CYP2J2: variants seen among roughly 807,000 people sequenced by gnomAD.
The protein encoded by CYP2J2 is cytochrome P450 family 2 subfamily J member 2, also known as cytochrome P450 2J2.
Under a neutral mutation model 48.8 loss-of-function variants are expected in CYP2J2, and 41 were observed. That is an observed-to-expected ratio of 0.84 (90% confidence interval 0.66 to 1.09). The LOEUF is 1.09. CYP2J2 is among the 50% of genes least tolerant of loss of function. The probability of loss-of-function intolerance (pLI) is 0.00; values close to 1 mark genes in which losing one functional copy is unlikely to be tolerated. For missense variants in CYP2J2, 644 were observed against 617.3 expected (o/e 1.04, Z -0.46); for synonymous variants, 221 against 227.1 (o/e 0.97, Z 0.24).
At chr1:59,948,245 C>A in the CYP2J2 span, among the ~76,000 whole-genome samples, 1 of 152,176 alleles carries the variant, frequency 6.6e-6, no homozygotes, top group Admixed American at 6.5e-5. Flanking sequence ...TGCATCCATT[C>A]TTTTCTCCCT....
chr1:59,915,818 G>T, intron 2 of CYP2J2, 120 bp downstream of exon 2: 1 of 899,750 alleles, frequency 1.1e-6, no homozygotes, highest in Non-Finnish European at 1.7e-6. Flanking sequence ...TTAGTGGCAG[G>T]AAGTTTATTA....
chr1:59,948,103 G>T, the CYP2J2 span, among the ~76,000 whole-genome samples: 2 of 151,936 alleles, frequency 1.3e-5, no homozygotes, highest in African/African-American at 2.4e-5. Flanking sequence ...GAAAGTTGGT[G>T]CCCACTAGAA....
In CYP2J2 at chr1:59,907,899, T is replaced by A. The variant is rs754057670; in HGVS notation, c.890A>T (p.His297Leu). 1.2e-6 allele frequency: 2 copies of A among 1,614,082 alleles called. No individual in the cohort carries two copies. The highest frequency in any genetic ancestry group is 2.7e-5 in the African/African-American group (2 of 75,028). ...GGTGCTGCAGATGAGGTTTTCTTCATGGAAACTTGAAGTAGGATTGCCTGT... is the reference window on the plus strand; with the variant it reads ...GGTGCTGCAGATGAGGTTTTCTTCAAGGAAACTTGAAGTAGGATTGCCTGT... ...KHTGNPTSSF[H>L]EENLICSTLD... The change falls in exon 6 of 9, where the codon CAT (histidine) becomes CTT (leucine). Residue 297 changes from histidine (H) to leucine (L), a missense_variant. His to Leu is a moderately conservative substitution (Grantham distance 99). Transcript: ENST00000371204.
upstream of CYP2J2, among the ~76,000 whole-genome samples, chr1:59,929,604 G>A (rs1036257788): frequency 2.0e-5 from 3 of 152,128 alleles, no homozygotes; most frequent in Non-Finnish European, 4.4e-5. Context: ...ATTTTGAATT[G>A]AAAATTGCAA....
At chr1:59,954,412 T>C in the CYP2J2 span, among the ~76,000 whole-genome samples, 4 of 152,080 alleles carry the variant, frequency 2.6e-5, no homozygotes, top group East Asian at 3.9e-4. Flanking sequence ...AGATATAACA[T>C]TGAACATGAG....
At chr1:59,917,238 G>A (rs948441160) in intron 1 of CYP2J2, among the ~76,000 whole-genome samples, 3 of 152,116 alleles carry the variant, frequency 2.0e-5, no homozygotes, top group Admixed American at 6.5e-5. Context: ...GCCACCCAGC[G>A]AGTCTCCGAG....
the CYP2J2 span, among the ~76,000 whole-genome samples, chr1:59,957,435 G>T: frequency 0.024 from 3,715 of 152,194 alleles, 54 homozygotes; most frequent in Non-Finnish European, 0.033. Flanking sequence ...TTCCAGCAAA[G>T]AATAGGACAT....
intron 2 of CYP2J2, 67 bp from the exon 3 acceptor site, chr1:59,912,378 G>A (rs1438754106): frequency 1.3e-6 from 2 of 1,504,886 alleles, no homozygotes; most frequent in Non-Finnish European, 1.8e-6. Flanking sequence ...CAAATGATAT[G>A]GGAATGTGTA....
At chr1:59,943,953 G>C in the CYP2J2 span, among the ~76,000 whole-genome samples, 35 of 152,118 alleles carry the variant, frequency 2.3e-4, no homozygotes, top group Non-Finnish European at 7.3e-5. Flanking sequence ...AGCAACTAAA[G>C]GTAATTCCTT....
At chr1:59,912,912 G>T (rs1644430420) in intron 2 of CYP2J2, 1 of 152,190 alleles carries the variant, frequency 6.6e-6, no homozygotes, top group African/African-American at 2.4e-5. Context: ...GTTCCATACA[G>T]AAAGAAGAGT....
the CYP2J2 span, among the ~76,000 whole-genome samples, chr1:59,952,634 G>C: frequency 6.6e-6 from 1 of 152,142 alleles, no homozygotes; most frequent in East Asian, 1.9e-4. Context: ...CCAGAATAAA[G>C]ACTAGTTATT....
chr1:59,944,864 T>A, the CYP2J2 span, among the ~76,000 whole-genome samples: 1 of 152,208 alleles, frequency 6.6e-6, no homozygotes, highest in Non-Finnish European at 1.5e-5. Context: ...GCATTTATTT[T>A]TTTTCTGAAA....
Position 59,893,340 on chromosome 1 carries a change from T to C in CYP2J2, c.*311A>G, listed in dbSNP as rs1253298789. 4.0e-6 allele frequency: 1 copy of C among 249,044 alleles called. No individual in the cohort carries two copies. The highest frequency in any genetic ancestry group is 7.6e-6 in the Non-Finnish European group (1 of 132,050). The allele number at this position is 249,044 out of a possible 1,614,324, so 15.4% of individuals were successfully genotyped here. On this transcript the variant is annotated 3_prime_UTR_variant, in exon 9 of 9. Coordinates refer to ENST00000371204, the MANE Select transcript of CYP2J2 (RefSeq NM_000775.4). ...AGAACTTTTATGATGTGTTTTATGG[T>C]TTACAAACCACTTAAAGCTCACCAT...
chr1:59,919,979 C>A (rs1436915008), intron 1 of CYP2J2, among the ~76,000 whole-genome samples: 1 of 152,004 alleles, frequency 6.6e-6, no homozygotes, highest in Non-Finnish European at 1.5e-5. Context: ...GTGTCAAAGT[C>A]TCTTGGGAGA....
At chr1:59,958,422 C>G in the CYP2J2 span, among the ~76,000 whole-genome samples, 1 of 152,142 alleles carries the variant, frequency 6.6e-6, no homozygotes, top group East Asian at 1.9e-4. Context: ...TCTGGGAATA[C>G]CGCCTCCCCC....
the CYP2J2 span, among the ~76,000 whole-genome samples, chr1:59,964,796 T>C: frequency 6.6e-6 from 1 of 152,240 alleles, no homozygotes; most frequent in African/African-American, 2.4e-5. Flanking sequence ...CTGAATGCCA[T>C]GGGAAACCAA....
At chr1:59,900,944 C>A in intron 8 of CYP2J2, 21 bp downstream of exon 8, 1 of 1,609,920 alleles carries the variant, frequency 6.2e-7, no homozygotes, top group Non-Finnish European at 8.5e-7. Context: ...GACTCCCACA[C>A]ACCTGTTTAC....
the CYP2J2 span, among the ~76,000 whole-genome samples, chr1:59,952,209 C>T: frequency 6.6e-6 from 1 of 151,958 alleles, no homozygotes; most frequent in Admixed American, 6.6e-5. Flanking sequence ...TTCCCATGAG[C>T]CAGTAAGCTG....
chr1:59,911,617 C>T lies in CYP2J2; in HGVS notation c.675G>A (p.Lys225=). 1.2e-6 allele frequency: 2 copies of T among 1,608,030 alleles called. No individual in the cohort carries two copies. Among genetic ancestry groups the T allele is most frequent in the South Asian group, 1.1e-5 (1 of 89,832 alleles). The change falls in exon 4 of 9, where the codon AAG becomes AAA. Residue 225 remains lysine (K), a synonymous_variant. Transcript: ENST00000371204. ...LDEVTYLEAS[K]TCQLYNVFPW... is the part of the protein sequence containing the mutation. ...GAGACAGCTGCCTTACCTGGCATGT[C>T]TTTGAAGCCTCCAAGTATGTGACTT...
Sources: allele counts gnomAD v4.1 joint callset (sites outside exome capture counted in the v4.1 genomes callset), GRCh38; gene constraint gnomAD v4.1.1; transcripts MANE v1.5; gene names NCBI Gene and HGNC (gene_info 2026-07-23, HGNC 2026-07-21).